CTNNA2: variants seen among roughly 807,000 people sequenced by gnomAD.
The protein encoded by CTNNA2 is catenin alpha 2, also known as catenin alpha-2.
In CTNNA2, 42 loss-of-function variants were observed where a neutral mutation model predicts 101.0. The ratio of observed to expected loss-of-function variants is 0.42; its 90% CI spans 0.32 to 0.54. The LOEUF (loss-of-function observed/expected upper bound fraction) is 0.54, where lower values mean the gene tolerates loss of function less well. Ranked by LOEUF, CTNNA2 falls within the 20% of genes least tolerant of loss-of-function variation. CTNNA2 has a pLI of 0.14. For missense variants in CTNNA2, 871 were observed against 1,223.1 expected, an observed-to-expected ratio of 0.71 and a Z score of 4.29; for synonymous variants, 450 against 456.4, an observed-to-expected ratio of 0.99 and a Z score of 0.18.
At chr2:79,565,981 G>A (rs1675088997) in intron 1 of CTNNA2, among the ~76,000 whole-genome samples, 1 of 152,078 alleles carries the variant, frequency 6.6e-6, no homozygotes, top group South Asian at 2.1e-4. Flanking sequence ...AGATGAAACA[G>A]CCCGAAAAGA....
At chr2:80,046,596 G>T (rs1409689722) in intron 7 of CTNNA2, among the ~76,000 whole-genome samples, 1 of 152,036 alleles carries the variant, frequency 6.6e-6, no homozygotes, top group Non-Finnish European at 1.5e-5. Context: ...ATTATAAAAA[G>T]CAGCTACTTG....
rs111524075 is a variant in CTNNA2 at position 79,568,613 on chromosome 2, C to A, written c.-6+55406C>A. On this transcript the variant is annotated intron_variant, in intron 1 of 18. Transcript: ENST00000402739. Reference sequence around the variant, plus strand: ...CTCCCTCTCAAAAAAAGAAAAGTAACGAAAAGAAAAGGAAAGAAAAGAAAA... The same window carrying A: ...CTCCCTCTCAAAAAAAGAAAAGTAAAGAAAAGAAAAGGAAAGAAAAGAAAA... Among the ~76,000 whole-genome samples, 11 of 149,980 alleles carry A rather than the reference C, an allele frequency of 7.3e-5. No individual in the cohort carries two copies. The East Asian group carries it at 2.2e-3, about 29-fold the overall frequency.
intron 9 of CTNNA2, among the ~76,000 whole-genome samples, chr2:80,537,590 T>C (rs879761547): frequency 2.0e-5 from 3 of 151,040 alleles, no homozygotes; most frequent in Non-Finnish European, 4.4e-5. Context: ...ATCTGTTGTT[T>C]CCTGACTTTT....
At chr2:79,487,714 A>G (rs901235634) in intron 4 of CTNNA2, among the ~76,000 whole-genome samples, 5 of 152,198 alleles carry the variant, frequency 3.3e-5, no homozygotes, top group Non-Finnish European at 5.9e-5. Context: ...AGCTCCTCAC[A>G]TCTCACTACC....
intron 4 of CTNNA2, among the ~76,000 whole-genome samples, chr2:79,408,512 C>T (rs973295896): frequency 9.6e-5 from 14 of 145,506 alleles, no homozygotes; most frequent in African/African-American, 3.3e-4. Flanking sequence ...TGTCCATGTG[C>T]TCTCATTGTT....
intron 2 of CTNNA2, among the ~76,000 whole-genome samples, chr2:79,228,935 T>C (rs986909737): frequency 8.5e-5 from 13 of 152,182 alleles, no homozygotes; most frequent in Admixed American, 7.2e-4. Context: ...TTTTCATACA[T>C]GGTAAGAGGT....
chr2:79,984,944 T>G (rs1018617561), intron 7 of CTNNA2, among the ~76,000 whole-genome samples: 3 of 152,192 alleles, frequency 2.0e-5, no homozygotes, highest in African/African-American at 7.2e-5. Flanking sequence ...AATAAAGTTT[T>G]ATTGGAACAC....
intron 18 of CTNNA2, among the ~76,000 whole-genome samples, chr2:80,622,250 C>G (rs1256654378): frequency 6.6e-6 from 1 of 151,762 alleles, no homozygotes; most frequent in Admixed American, 6.6e-5. Context: ...GTCAGTTACA[C>G]AAAACTCCAC....
At chr2:80,062,421 T>A (rs1697662602) in intron 7 of CTNNA2, among the ~76,000 whole-genome samples, 1 of 152,206 alleles carries the variant, frequency 6.6e-6, no homozygotes, top group South Asian at 2.1e-4. Flanking sequence ...GTGTTGCCTT[T>A]TTGCCCTGTG....
chr2:80,644,024 G>T (rs1673777082), intron 18 of CTNNA2, among the ~76,000 whole-genome samples: 2 of 152,174 alleles, frequency 1.3e-5, no homozygotes, highest in South Asian at 2.1e-4. Context: ...TAGTAGAAAA[G>T]AGTTCATTTT....
At chr2:80,630,656 A>C (rs540294681) in intron 18 of CTNNA2, among the ~76,000 whole-genome samples, 1 of 152,264 alleles carries the variant, frequency 6.6e-6, no homozygotes. Context: ...AAATAAAAAT[A>C]AATAGTTAAA....
intron 4 of CTNNA2, among the ~76,000 whole-genome samples, chr2:79,492,340 T>C (rs1274993640): frequency 2.0e-5 from 3 of 151,866 alleles, no homozygotes; most frequent in African/African-American, 7.2e-5. Flanking sequence ...TTCACTGTAT[T>C]CATAAAGTTA....
chr2:80,050,108 C>T (rs985566479), intron 7 of CTNNA2, among the ~76,000 whole-genome samples: 9 of 152,074 alleles, frequency 5.9e-5, no homozygotes, highest in Admixed American at 1.3e-4. Context: ...GCTGCCCATT[C>T]GAGTTACCTA....
At chr2:79,690,878 G>A (rs1486794786) in intron 2 of CTNNA2, among the ~76,000 whole-genome samples, 3 of 151,962 alleles carry the variant, frequency 2.0e-5, no homozygotes, top group Non-Finnish European at 4.4e-5. Context: ...GGGTTAACAG[G>A]TTGCATTAGG....
intron 4 of CTNNA2, among the ~76,000 whole-genome samples, chr2:79,471,795 A>T (rs1223810267): frequency 6.6e-6 from 1 of 152,044 alleles, no homozygotes; most frequent in Non-Finnish European, 1.5e-5. Context: ...CTGAGATCAC[A>T]CCACTGCACT....
chr2:79,842,607 C>A (rs1358121125), intron 3 of CTNNA2, among the ~76,000 whole-genome samples: 2 of 152,088 alleles, frequency 1.3e-5, no homozygotes, highest in African/African-American at 4.8e-5. Context: ...CTAAGATCAC[C>A]GACTTTCAGA....
intron 3 of CTNNA2, among the ~76,000 whole-genome samples, chr2:79,360,165 G>A (rs1318215978): frequency 3.3e-5 from 5 of 152,152 alleles, no homozygotes; most frequent in Non-Finnish European, 7.3e-5. Context: ...CTAAGACACA[G>A]GGCTGACAAC....
intron 2 of CTNNA2, among the ~76,000 whole-genome samples, chr2:79,657,087 T>A (rs1055224678): frequency 2.0e-5 from 3 of 151,448 alleles, no homozygotes; most frequent in Non-Finnish European, 4.4e-5. Flanking sequence ...GAAAACAGAA[T>A]TTAATAACAA....
intron 9 of CTNNA2, among the ~76,000 whole-genome samples, chr2:80,438,145 G>C (rs1682208972): frequency 6.6e-6 from 1 of 152,162 alleles, no homozygotes; most frequent in African/African-American, 2.4e-5. Context: ...GGCCTCTCTT[G>C]GCTTACAGAT....
Sources: allele counts gnomAD v4.1 joint callset (sites outside exome capture counted in the v4.1 genomes callset), GRCh38; gene constraint gnomAD v4.1.1; transcripts MANE v1.5; gene names NCBI Gene and HGNC (gene_info 2026-07-23, HGNC 2026-07-21).